MTMR3: variants seen among roughly 807,000 people sequenced by gnomAD.
MTMR3 encodes phosphatidylinositol-3,5-bisphosphate 3-phosphatase MTMR3.
A neutral mutation model predicts 132.4 loss-of-function variants in MTMR3; 32 were observed. The observed-to-expected ratio is 0.24, with a 90% confidence interval of 0.18 to 0.32. The LOEUF is 0.32. Among genes scored for constraint, MTMR3 ranks in the 10% least tolerant of loss-of-function variants. MTMR3 has a pLI of 1.00. For missense variants in MTMR3, 1,216 were observed against 1,489.6 expected, an observed-to-expected ratio of 0.82 and a Z score of 3.02; for synonymous variants, 556 against 550.3, an observed-to-expected ratio of 1.01 and a Z score of -0.14.
At position 30,013,525 on chromosome 22, in the gene MTMR3, T is replaced by G. The variant is rs1341724961; in HGVS notation, c.1487T>G (p.Phe496Cys). The G allele has an allele frequency of 4.3e-6, 7 of 1,614,066 alleles. No homozygotes were observed. In the South Asian group the frequency reaches 7.7e-5, roughly 18 times the overall value. ...AGGCAATTTCCTTGCTCTTTTGAGT[T>G]CAATGAAGCATTCCTTGTAAGTTTC... ...LQRQFPCSFEFNEAFLVKLVQ... is the reference protein window; with the variant it reads ...LQRQFPCSFECNEAFLVKLVQ... The change falls in exon 14 of 20, where the codon TTC (phenylalanine) becomes TGC (cysteine). Residue 496 changes from phenylalanine (F) to cysteine (C), a missense_variant. Transcript: ENST00000401950.
intron 2 of MTMR3, among the ~76,000 whole-genome samples, chr22:29,967,193 T>TTGTG (rs10680622): frequency 0.06 from 8,526 of 141,900 alleles, 280 homozygotes; most frequent in South Asian, 0.074. Flanking sequence ...TTCACCTCTG[T>TTGTG]TGTGTGTGTG....
At chr22:29,967,779 C>T (rs1174648909) in intron 2 of MTMR3, among the ~76,000 whole-genome samples, 7 of 152,084 alleles carry the variant, frequency 4.6e-5, no homozygotes, top group African/African-American at 1.4e-4. Flanking sequence ...CTTTTCTGGA[C>T]ATCTCATACA....
chr22:29,930,772 A>G (rs1301037186), intron 1 of MTMR3, among the ~76,000 whole-genome samples: 1 of 152,042 alleles, frequency 6.6e-6, no homozygotes, highest in Non-Finnish European at 1.5e-5. Context: ...AAGCTGGGGC[A>G]AGAGGATTGC....
At chr22:29,917,420 G>A (rs1335757417) in intron 1 of MTMR3, among the ~76,000 whole-genome samples, 1 of 152,192 alleles carries the variant, frequency 6.6e-6, no homozygotes, top group East Asian at 1.9e-4. Context: ...TGGGAGTATT[G>A]CTTCACCCCA....
intron 1 of MTMR3, among the ~76,000 whole-genome samples, chr22:29,928,270 G>T (rs1317190198): frequency 2.0e-5 from 3 of 150,062 alleles, no homozygotes; most frequent in African/African-American, 2.5e-5. Flanking sequence ...CGCCTCCTGG[G>T]TAGTGATTCT....
At chr22:29,901,042 C>A (rs1007630302) in intron 1 of MTMR3, among the ~76,000 whole-genome samples, 3 of 152,030 alleles carry the variant, frequency 2.0e-5, no homozygotes, top group African/African-American at 7.2e-5. Flanking sequence ...TACGTAAAGA[C>A]TTTTAGGCAA....
intron 9 of MTMR3, chr22:30,004,320 A>G (rs896448026): frequency 6.6e-6 from 1 of 152,204 alleles, no homozygotes; most frequent in African/African-American, 2.4e-5. Flanking sequence ...CTGGCCAACA[A>G]CTGTGTTAGG....
intron 1 of MTMR3, among the ~76,000 whole-genome samples, chr22:29,897,634 G>A (rs934427884): frequency 6.6e-6 from 1 of 151,672 alleles, no homozygotes; most frequent in African/African-American, 2.4e-5. Flanking sequence ...CTTATTTTTA[G>A]TAGAGACAGG....
intron 1 of MTMR3, among the ~76,000 whole-genome samples, chr22:29,946,726 A>G (rs2065960734): frequency 7.0e-6 from 1 of 143,108 alleles, no homozygotes; most frequent in Non-Finnish European, 1.5e-5. Context: ...AGACAATGGC[A>G]TGTTATGGTT....
chr22:30,028,893 A>C lies in MTMR3; in HGVS notation c.*3092A>C, dbSNP rs1476508381. 6.6e-6 allele frequency: 1 copy of C among 152,386 alleles called. No individual in the cohort carries two copies. Among genetic ancestry groups the C allele is most frequent in the Non-Finnish European group, 1.5e-5 (1 of 68,052 alleles). The allele number at this position is 152,386 out of a possible 1,614,324, so 9.4% of individuals were successfully genotyped here. A position where few individuals can be genotyped will look rare whatever the true frequency, so the allele number is the denominator to read the frequency against. ...GCCAGGCAGCCCAGTCTGTGTATTCATATGAAGTTGTGAAAACCATGAGTG... is the reference window on the plus strand; with the variant it reads ...GCCAGGCAGCCCAGTCTGTGTATTCCTATGAAGTTGTGAAAACCATGAGTG... On this transcript the variant is annotated 3_prime_UTR_variant, in exon 20 of 20. Transcript: ENST00000401950.
chr22:29,903,462 C>T (rs1461223530), intron 1 of MTMR3, among the ~76,000 whole-genome samples: 1 of 142,056 alleles, frequency 7.0e-6, no homozygotes, highest in Non-Finnish European at 1.5e-5. Context: ...AGTCATGGCT[C>T]ACTGCAGCCT....
intron 9 of MTMR3, chr22:30,004,164 C>T (rs986487795): frequency 2.0e-5 from 3 of 152,248 alleles, no homozygotes; most frequent in African/African-American, 4.8e-5. Flanking sequence ...TTTTCAGACA[C>T]CCCTAGAAAA....
intron 15 of MTMR3, 190 bp from the exon 16 acceptor site, chr22:30,017,737 C>G: frequency 5.4e-6 from 3 of 552,132 alleles, no homozygotes; most frequent in Non-Finnish European, 9.4e-6. Context: ...AAAATGTTGG[C>G]TATATAAAAT....
At chr22:29,966,728 T>TGCGTGC (rs778447144) in intron 2 of MTMR3, among the ~76,000 whole-genome samples, 617 of 25,288 alleles carry the variant, frequency 0.024, 14 homozygotes, top group East Asian at 0.093. Flanking sequence ...GGGGTGTGCG[T>TGCGTGC]GTGTGTGTGT....
intron 1 of MTMR3, among the ~76,000 whole-genome samples, chr22:29,950,693 A>C (rs2066059076): frequency 7.0e-6 from 1 of 143,780 alleles, no homozygotes; most frequent in African/African-American, 2.5e-5. Flanking sequence ...TGGTAAACCT[A>C]AATGCTGCCT....
At chr22:29,904,002 C>T (rs748327930) in intron 1 of MTMR3, among the ~76,000 whole-genome samples, 1 of 152,128 alleles carries the variant, frequency 6.6e-6, no homozygotes, top group Admixed American at 6.5e-5. Flanking sequence ...CCTGGAAATA[C>T]CTGCCCAGTT....
intron 16 of MTMR3, chr22:30,018,316 A>G: frequency 2.3e-6 from 1 of 430,748 alleles, no homozygotes; most frequent in Non-Finnish European, 4.0e-6. Flanking sequence ...GCCGCTCCTC[A>G]GTGATAGAGC....
At chr22:30,015,614 C>G (rs1054312085) in intron 14 of MTMR3, 2 of 151,926 alleles carry the variant, frequency 1.3e-5, no homozygotes, top group Non-Finnish European at 2.9e-5. Context: ...TGGTACCACA[C>G]TGGTTCAAGC....
chr22:29,908,123 T>G (rs957850979), intron 1 of MTMR3, among the ~76,000 whole-genome samples: 2 of 152,114 alleles, frequency 1.3e-5, no homozygotes, highest in African/African-American at 4.8e-5. Context: ...CCTAACAACC[T>G]TGTAAAACCT....
Sources: allele counts gnomAD v4.1 joint callset (sites outside exome capture counted in the v4.1 genomes callset), GRCh38; gene constraint gnomAD v4.1.1; transcripts MANE v1.5; gene names NCBI Gene and HGNC (gene_info 2026-07-23, HGNC 2026-07-21).